NUP98: variants seen among roughly 807,000 people sequenced by gnomAD.
NUP98 encodes nucleoporin 98 and 96 precursor, also known as nuclear pore complex protein Nup98-Nup96.
In NUP98, 26 loss-of-function variants were observed where a neutral mutation model predicts 191.9. The observed-to-expected ratio is 0.14, with a 90% CI of 0.10 to 0.19. The LOEUF (loss-of-function observed/expected upper bound fraction) is 0.19. NUP98 is among the 10% of genes least tolerant of loss of function. NUP98 has a pLI of 1.00. For synonymous variants in NUP98, 808 were observed against 778.4 expected (o/e 1.04, Z -0.63); for missense variants, 1,941 against 2,178.8 (o/e 0.89, Z 2.17).
intron 18 of NUP98, among the ~76,000 whole-genome samples, chr11:3,717,624 G>C (rs562836052): frequency 6.6e-6 from 1 of 152,298 alleles, no homozygotes; most frequent in Non-Finnish European, 1.5e-5. Context: ...TCAAAGAACA[G>C]AGATAATTTT....
rs545241285 is a variant in NUP98, at chr11:3,749,556, C to T, written c.1267+3760G>A. On this transcript the variant is annotated intron_variant, in intron 11 of 32. Transcript: ENST00000324932. ...AGGAGAATCACTTGAACCCAGGAGG[C>T]GGAGGTTGCCATGAGCTGAGATCAC... Among the ~76,000 whole-genome samples, 276 of 152,086 alleles carry T rather than the reference C, an allele frequency of 1.8e-3. 2 individuals carry two copies. Among genetic ancestry groups the T allele is most frequent in the Non-Finnish European group, 1.4e-3 (92 of 67,980 alleles).
In NUP98 at chr11:3,684,435, A is replaced by G. The variant is rs556200886; in HGVS notation, c.4677-994T>C. Reference sequence around the variant, plus strand: ...CTTTTCTGAATTCCTAAGCTTTTCAATGACTTCCACTGTCATCACAACTGC... The same window carrying G: ...CTTTTCTGAATTCCTAAGCTTTTCAGTGACTTCCACTGTCATCACAACTGC... On this transcript the variant is annotated intron_variant, in intron 29 of 32. Transcript: ENST00000324932. 4.2e-4 allele frequency among the ~76,000 whole-genome samples: 64 copies of G among 152,190 alleles called. 1 individual carries two copies. In the South Asian group the frequency reaches 0.013, roughly 31 times the overall value.
intron 9 of NUP98, among the ~76,000 whole-genome samples, chr11:3,761,915 GC>G (rs1415946969): frequency 6.6e-6 from 1 of 152,058 alleles, no homozygotes; most frequent in Non-Finnish European, 1.5e-5. Flanking sequence ...CTGCAGTACA[GC>G]CTGGACAACA....
intron 1 of NUP98, among the ~76,000 whole-genome samples, chr11:3,782,485 T>G (rs1300144219): frequency 6.6e-6 from 1 of 152,058 alleles, no homozygotes; most frequent in Non-Finnish European, 1.5e-5. Flanking sequence ...GGCAAGATGT[T>G]TATATGATCC....
In NUP98 at chr11:3,676,098, A is replaced by G. The variant is rs1400097737; in HGVS notation, c.*61T>C. 3 of 1,513,432 alleles carry G rather than the reference A, an allele frequency of 2.0e-6. No individual in the cohort carries two copies. The highest frequency in any genetic ancestry group is 2.7e-6 in the Non-Finnish European group (3 of 1,105,044). 93.8% of individuals were successfully genotyped at this position (1,513,432 alleles called of 1,614,324 possible). ...ATGGCAAACAGTGCCAATCCAAACA[A>G]GGCAGGGAACCTCTGTGTGGTGTGA... is the stretch of plus-strand genomic sequence containing the variant. On this transcript the variant is annotated 3_prime_UTR_variant, in exon 33 of 33. Coordinates refer to ENST00000324932, the MANE Select transcript of NUP98 (RefSeq NM_016320.5).
chr11:3,763,439 G>A (rs1435581346), intron 8 of NUP98, among the ~76,000 whole-genome samples: 6 of 152,178 alleles, frequency 3.9e-5, no homozygotes, highest in Admixed American at 2.0e-4. Context: ...CATTTTCAAC[G>A]ATTTAGGTGA....
intron 16 of NUP98, 171 bp from the exon 17 acceptor site, chr11:3,720,996 G>A (rs1372636142): frequency 2.1e-6 from 1 of 480,590 alleles, no homozygotes; most frequent in Non-Finnish European, 3.7e-6. Flanking sequence ...GTGTGTGTGT[G>A]TGTGTGTGTG....
At chr11:3,792,211 A>C (rs973182485) in intron 1 of NUP98, among the ~76,000 whole-genome samples, 2 of 123,434 alleles carry the variant, frequency 1.6e-5, no homozygotes, top group Non-Finnish European at 3.4e-5. Context: ...AAAAAAAAAC[A>C]TGTATTCACC....
intron 32 of NUP98, 27 bp downstream of exon 32, chr11:3,676,482 G>T: frequency 6.2e-7 from 1 of 1,606,788 alleles, no homozygotes; most frequent in Non-Finnish European, 8.5e-7. Context: ...CAAGAAGGCA[G>T]AAAGAGTGAG....
chr11:3,707,316 T>C (rs2078889638), intron 20 of NUP98, among the ~76,000 whole-genome samples: 1 of 152,172 alleles, frequency 6.6e-6, no homozygotes, highest in Non-Finnish European at 1.5e-5. Context: ...CAACTATGAC[T>C]AACAGTCTAT....
At position 3,675,515 on chromosome 11, in the gene NUP98, G is replaced by A; in HGVS notation, c.*644C>T. Reference sequence around the variant, plus strand: ...GGTTCCTGCACATAGTAGTAGCAAAGGTATGGTGTTCATGGAACTCTAAAG... The same window carrying A: ...GGTTCCTGCACATAGTAGTAGCAAAAGTATGGTGTTCATGGAACTCTAAAG... On this transcript the variant is annotated 3_prime_UTR_variant, in exon 33 of 33. Coordinates refer to ENST00000324932, the MANE Select transcript of NUP98 (RefSeq NM_016320.5). 4.3e-6 allele frequency: 1 copy of A among 231,996 alleles called. No individual in the cohort carries two copies. Among genetic ancestry groups the A allele is most frequent in the Non-Finnish European group, 8.5e-6 (1 of 117,194 alleles). 14.4% of individuals were successfully genotyped at this position (231,996 alleles called of 1,614,324 possible). A position where few individuals can be genotyped will look rare whatever the true frequency, so the allele number is the denominator to read the frequency against.
chr11:3,710,208 T>A (rs115240292), intron 20 of NUP98, among the ~76,000 whole-genome samples: 31 of 152,240 alleles, frequency 2.0e-4, no homozygotes, highest in African/African-American at 7.5e-4. Context: ...CAGCTGGAAA[T>A]TGGATCCCAG....
chr11:3,753,223 T>C (rs986486753), intron 11 of NUP98, 93 bp downstream of exon 11: 121 of 1,075,302 alleles, frequency 1.1e-4, no homozygotes, highest in Admixed American at 2.7e-4. Flanking sequence ...GACTTCTTAA[T>C]TCCAGTAACA....
intron 10 of NUP98, 124 bp from the exon 11 acceptor site, chr11:3,753,532 C>A: frequency 1.5e-6 from 1 of 667,620 alleles, no homozygotes; most frequent in Non-Finnish European, 2.6e-6. Flanking sequence ...ATTTAGGACT[C>A]CTAACTTGTA....
chr11:3,683,521 G>T, intron 29 of NUP98, 80 bp from the exon 30 acceptor site: 3 of 1,488,840 alleles, frequency 2.0e-6, no homozygotes, highest in Non-Finnish European at 2.7e-6. Flanking sequence ...AGTGGCCCTT[G>T]GGGCAGTCTC....
At chr11:3,785,507 C>A (rs958389828) in intron 1 of NUP98, among the ~76,000 whole-genome samples, 6 of 152,104 alleles carry the variant, frequency 3.9e-5, no homozygotes, top group Non-Finnish European at 5.9e-5. Flanking sequence ...GCCTGTAATC[C>A]CAGCACTTTG....
In NUP98 at chr11:3,773,674, C is replaced by T. The variant is rs1202535251; in HGVS notation, c.561G>A (p.Gln187=). 6.2e-7 allele frequency: 1 copy of T among 1,613,264 alleles called. No individual in the cohort carries two copies. The highest frequency in any genetic ancestry group is 8.5e-7 in the Non-Finnish European group (1 of 1,179,402). ...GVSTNISTKH[Q]CITAMKEYES... is the part of the protein sequence containing the mutation. The stretch of plus-strand genomic sequence containing the variant: ...CATATTCTTTCATAGCAGTAATACA[C>T]TGGTGCTTGGTACTTATGTTAGTGC... The change falls in exon 6 of 33, where the codon CAG becomes CAA. Residue 187 remains glutamine, a synonymous_variant. Coordinates refer to ENST00000324932, the MANE Select transcript of NUP98 (RefSeq NM_016320.5).
At chr11:3,742,718 A>G (rs1183369833) in intron 12 of NUP98, among the ~76,000 whole-genome samples, 1 of 151,150 alleles carries the variant, frequency 6.6e-6, no homozygotes, top group East Asian at 1.9e-4. Flanking sequence ...AAAAAAAAAA[A>G]AGATGAGAAA....
At chr11:3,721,855 T>G (rs1436140752) in intron 16 of NUP98, among the ~76,000 whole-genome samples, 1 of 152,180 alleles carries the variant, frequency 6.6e-6, no homozygotes, top group African/African-American at 2.4e-5. Context: ...CTTGTCCTAC[T>G]TGTAGTCAGA....
Sources: gnomAD v4.1 joint callset for allele counts (sites outside exome capture counted in the v4.1 genomes callset) on GRCh38, gnomAD v4.1.1 for gene constraint, MANE v1.5 for transcripts, NCBI Gene and HGNC (gene_info 2026-07-23, HGNC 2026-07-21) for gene names.